CLASP1: variants seen among roughly 807,000 people sequenced by gnomAD.
The protein encoded by CLASP1 is cytoplasmic linker associated protein 1.
In CLASP1, 38 loss-of-function variants were observed where a neutral mutation model predicts 192.3. That is an observed-to-expected ratio of 0.20 (90% CI 0.15 to 0.26). CLASP1 has a LOEUF of 0.26. Among genes scored for constraint, CLASP1 ranks in the 10% least tolerant of loss-of-function variants. The pLI, the probability that CLASP1 is intolerant of heterozygous loss-of-function variation, is 1.00. For missense variants in CLASP1, 1,433 were observed against 1,932.5 expected (o/e 0.74, Z 4.85); for synonymous variants, 691 against 712.8 (o/e 0.97, Z 0.49).
intron 7 of CLASP1, among the ~76,000 whole-genome samples, chr2:121,514,302 C>T (rs1344228380): frequency 6.6e-6 from 1 of 152,214 alleles, no homozygotes; most frequent in Non-Finnish European, 1.5e-5. Context: ...CAGGGTTTCA[C>T]TCTCGAGACC....
At chr2:121,344,145 T>A (rs747482965) in intron 39 of CLASP1, among the ~76,000 whole-genome samples, 6 of 151,888 alleles carry the variant, frequency 4.0e-5, no homozygotes, top group Non-Finnish European at 8.8e-5. Flanking sequence ...AAGAAAAGAA[T>A]GCTTGTTCAA....
intron 39 of CLASP1, among the ~76,000 whole-genome samples, chr2:121,342,162 C>G (rs566324462): frequency 7.3e-5 from 11 of 151,690 alleles, no homozygotes; most frequent in African/African-American, 2.7e-4. Flanking sequence ...CACTCGGAGG[C>G]CCAGGCTGGA....
At chr2:121,535,083 G>C (rs534813797) in intron 2 of CLASP1, among the ~76,000 whole-genome samples, 66 of 152,300 alleles carry the variant, frequency 4.3e-4, no homozygotes, top group African/African-American at 1.5e-3. Context: ...TTCAAGACTA[G>C]CCTGGGCAAC....
intron 8 of CLASP1, among the ~76,000 whole-genome samples, chr2:121,474,717 C>T (rs1462678854): frequency 6.6e-6 from 1 of 152,110 alleles, no homozygotes; most frequent in Non-Finnish European, 1.5e-5. Flanking sequence ...GCGTGGGTGA[C>T]AGAGCGAGAC....
At chr2:121,634,713 C>T (rs1246348468) in intron 1 of CLASP1, among the ~76,000 whole-genome samples, 2 of 152,174 alleles carry the variant, frequency 1.3e-5, no homozygotes, top group African/African-American at 4.8e-5. Context: ...ATCTGCCTGG[C>T]ACGCCAATCA....
chr2:121,530,988 T>C, intron 2 of CLASP1: 3 of 700,362 alleles, frequency 4.3e-6, no homozygotes, highest in Non-Finnish European at 5.2e-6. Context: ...TTGCTTTATT[T>C]TGGTGCAATT....
chr2:121,372,869 C>A (rs1464659730), intron 34 of CLASP1, among the ~76,000 whole-genome samples: 1 of 152,174 alleles, frequency 6.6e-6, no homozygotes. Flanking sequence ...ACTCCTCATG[C>A]CCACTCTTCT....
At chr2:121,648,538 T>TA (rs1244596458) in intron 1 of CLASP1, among the ~76,000 whole-genome samples, 3 of 152,168 alleles carry the variant, frequency 2.0e-5, no homozygotes, top group Admixed American at 6.5e-5. Flanking sequence ...ACAACTATTT[T>TA]AAAAATATTA....
intron 1 of CLASP1, among the ~76,000 whole-genome samples, chr2:121,643,041 T>C (rs1352156614): frequency 6.6e-6 from 1 of 152,196 alleles, no homozygotes. Flanking sequence ...GAGAGTTAAT[T>C]GGACAGTAGT....
intron 23 of CLASP1, among the ~76,000 whole-genome samples, chr2:121,413,039 C>A (rs1006582013): frequency 6.6e-6 from 1 of 152,098 alleles, no homozygotes; most frequent in African/African-American, 2.4e-5. Flanking sequence ...GGGTAAATCG[C>A]TTGAGCCCAA....
At chr2:121,441,874 T>C (rs1376004829) in intron 19 of CLASP1, among the ~76,000 whole-genome samples, 1 of 152,206 alleles carries the variant, frequency 6.6e-6, no homozygotes, top group Non-Finnish European at 1.5e-5. Context: ...TCACAGTTCT[T>C]GGATAATTTT....
intron 30 of CLASP1, among the ~76,000 whole-genome samples, chr2:121,389,496 A>G (rs1341282820): frequency 6.6e-6 from 1 of 152,012 alleles, no homozygotes. Context: ...AAAAAAAAAA[A>G]CAATGCATGC....
chr2:121,422,349 AT>A (rs2079646024), intron 22 of CLASP1, among the ~76,000 whole-genome samples: 2 of 152,318 alleles, frequency 1.3e-5, no homozygotes, highest in South Asian at 4.1e-4. Context: ...ATGTTTAATT[AT>A]TTCAAAGTAT....
chr2:121,381,712 C>T (rs970111041), intron 33 of CLASP1, among the ~76,000 whole-genome samples: 2 of 152,170 alleles, frequency 1.3e-5, no homozygotes, highest in African/African-American at 2.4e-5. Flanking sequence ...GATCTGTGTG[C>T]TCAGACTACC....
intron 24 of CLASP1, chr2:121,409,189 T>C (rs2149500272): frequency 1.5e-6 from 1 of 656,982 alleles, no homozygotes; most frequent in Non-Finnish European, 2.6e-6. Context: ...AAGCGTTTCA[T>C]ATCAAGCTAA....
intron 14 of CLASP1, among the ~76,000 whole-genome samples, chr2:121,455,881 C>T (rs911240689): frequency 1.3e-5 from 2 of 151,870 alleles, no homozygotes; most frequent in African/African-American, 4.8e-5. Context: ...CAAAATTGGA[C>T]TCATAGAAGC....
Position 121,460,894 on chromosome 2 carries a change from C to T in CLASP1, c.1032+207G>A, listed in dbSNP as rs576244525. Among the ~76,000 whole-genome samples the T allele has an allele frequency of 7.2e-5, 11 of 151,780 alleles. No individual in the cohort carries two copies. In the South Asian group the frequency reaches 1.3e-3, roughly 17 times the overall value. ...GTCAGGTCTTTGTTAAAAGACTAGG[C>T]GATTCATAAAGGTGTAAGTTGGTGT... is the stretch of plus-strand genomic sequence containing the variant. On this transcript the variant is annotated intron_variant, in intron 11 of 39. Transcript: ENST00000263710.
intron 2 of CLASP1, among the ~76,000 whole-genome samples, chr2:121,547,541 C>A (rs895472002): frequency 6.6e-6 from 1 of 152,048 alleles, no homozygotes; most frequent in East Asian, 1.9e-4. Context: ...TCGGCCACAA[C>A]CACTACTAAG....
chr2:121,643,353 T>C (rs1576719132), intron 1 of CLASP1, among the ~76,000 whole-genome samples: 1 of 152,180 alleles, frequency 6.6e-6, no homozygotes, highest in East Asian at 1.9e-4. Flanking sequence ...ACAACTTCAA[T>C]ATAAGCCAAG....
Sources: gnomAD v4.1 joint callset for allele counts (sites outside exome capture counted in the v4.1 genomes callset) on GRCh38, gnomAD v4.1.1 for gene constraint, MANE v1.5 for transcripts, NCBI Gene and HGNC (gene_info 2026-07-23, HGNC 2026-07-21) for gene names.